The following ACOXL variants were observed in gnomAD, a reference collection of about 807,000 sequenced individuals.
ACOXL encodes the protein acyl-coenzyme A oxidase-like protein.
In ACOXL, 70 loss-of-function variants were observed where a neutral mutation model predicts 71.9. The ratio of observed to expected loss-of-function variants is 0.97; its 90% CI spans 0.80 to 1.19. The LOEUF (loss-of-function observed/expected upper bound fraction) is 1.19. Among genes scored for constraint, ACOXL ranks in the 50% most tolerant of loss-of-function variants. ACOXL has a pLI of 0.00. For missense variants in ACOXL, 703 were observed against 736.3 expected (o/e 0.95, Z 0.52); for synonymous variants, 253 against 281.6 (o/e 0.90, Z 1.02).
chr2:110,937,977 G>A (rs1181531183), intron 12 of ACOXL, among the ~76,000 whole-genome samples: 3 of 152,312 alleles, frequency 2.0e-5, no homozygotes, highest in South Asian at 2.1e-4. Context: ...GCCCAGGCTG[G>A]GGATTTGGAG....
chr2:111,093,027 T>C, intron 17 of ACOXL, 61 bp downstream of exon 17: 2 of 1,350,988 alleles, frequency 1.5e-6, no homozygotes, highest in African/African-American at 1.4e-5. Flanking sequence ...CTTGCTTTCT[T>C]AGAAAACAGT....
chr2:111,068,973 C>T (rs1339542222), intron 16 of ACOXL, among the ~76,000 whole-genome samples: 2 of 152,080 alleles, frequency 1.3e-5, no homozygotes, highest in African/African-American at 4.8e-5. Flanking sequence ...ACAAGTGGAT[C>T]ACTGGAATGA....
intron 14 of ACOXL, among the ~76,000 whole-genome samples, chr2:110,997,694 TAAGG>T (rs1385835519): frequency 6.6e-6 from 1 of 152,100 alleles, no homozygotes; most frequent in Non-Finnish European, 1.5e-5. Flanking sequence ...AACTCTAAAA[TAAGG>T]AAGTCAAGAT....
At chr2:110,949,136 C>T (rs965332957) in intron 12 of ACOXL, among the ~76,000 whole-genome samples, 11 of 152,128 alleles carry the variant, frequency 7.2e-5, no homozygotes, top group African/African-American at 2.4e-4. Flanking sequence ...AGGACAGGGT[C>T]GAGCTGAGCT....
intron 12 of ACOXL, among the ~76,000 whole-genome samples, chr2:110,943,122 A>AGGAAGAAGGAAG (rs1386247089): frequency 6.9e-6 from 1 of 145,234 alleles, no homozygotes; most frequent in Non-Finnish European, 1.5e-5. Context: ...GAGGAAGGAA[A>AGGAAGAAGGAAG]GGAAGAAGGA....
intron 12 of ACOXL, chr2:110,963,579 G>C (rs750429714): frequency 2.3e-4 from 268 of 1,178,074 alleles, no homozygotes; most frequent in South Asian, 1.8e-3. Context: ...GTGTGTGTGT[G>C]TGTGTGTGTG....
At position 110,808,143 on chromosome 2, in the gene ACOXL, C is replaced by T. The variant is rs193100431; in HGVS notation, c.753+2748C>T. ...TGTTTGGGAGGGGAGGGAGTGGGGG[C>T]TTGGGAGACCTCTGCAGCCTGTGCT... On this transcript the variant is annotated intron_variant, in intron 9 of 17. Transcript: ENST00000439055. 4.7e-3 allele frequency among the ~76,000 whole-genome samples: 717 copies of T among 152,180 alleles called. 6 individuals are homozygous for T. The highest frequency in any genetic ancestry group is 0.017 in the Middle Eastern group (5 of 294).
intron 14 of ACOXL, among the ~76,000 whole-genome samples, chr2:111,007,395 G>T (rs997821100): frequency 1.3e-5 from 2 of 152,194 alleles, no homozygotes; most frequent in African/African-American, 4.8e-5. Flanking sequence ...GGAAGCAAGA[G>T]TTGTCTCTTC....
At chr2:110,890,145 AT>A (rs1435062985) in intron 10 of ACOXL, among the ~76,000 whole-genome samples, 1 of 152,096 alleles carries the variant, frequency 6.6e-6, no homozygotes, top group East Asian at 1.9e-4. Flanking sequence ...CATGTTTAAA[AT>A]TTTGTTATTG....
intron 12 of ACOXL, among the ~76,000 whole-genome samples, chr2:110,935,707 T>A (rs2060636630): frequency 6.6e-6 from 1 of 152,188 alleles, no homozygotes; most frequent in Non-Finnish European, 1.5e-5. Flanking sequence ...TCACAATAAT[T>A]CTGACACCAG....
intron 14 of ACOXL, among the ~76,000 whole-genome samples, chr2:111,009,111 T>C (rs1440845801): frequency 6.6e-6 from 1 of 152,184 alleles, no homozygotes; most frequent in Admixed American, 6.5e-5. Context: ...CAGTAATCTA[T>C]TTTTTTATTG....
intron 9 of ACOXL, among the ~76,000 whole-genome samples, chr2:110,830,806 T>C (rs930096998): frequency 2.0e-5 from 3 of 152,184 alleles, no homozygotes; most frequent in South Asian, 4.1e-4. Context: ...GTGCTGGGAT[T>C]ACAGGCGTGA....
At chr2:111,117,354 C>T (rs184501571) in intron 17 of ACOXL, among the ~76,000 whole-genome samples, 1 of 152,326 alleles carries the variant, frequency 6.6e-6, no homozygotes, top group East Asian at 1.9e-4. Context: ...GGGGCAAAGC[C>T]GACCGACCCC....
At chr2:111,022,898 A>T (rs1477308635) in intron 14 of ACOXL, among the ~76,000 whole-genome samples, 2 of 152,194 alleles carry the variant, frequency 1.3e-5, no homozygotes, top group African/African-American at 4.8e-5. Flanking sequence ...GCCTGGGAAG[A>T]TCTGGCTTGC....
chr2:111,005,687 C>T (rs2149642612), intron 14 of ACOXL, among the ~76,000 whole-genome samples: 1 of 152,300 alleles, frequency 6.6e-6, no homozygotes, highest in East Asian at 1.9e-4. Flanking sequence ...CACCTTAGTT[C>T]TCTTCTGTGG....
intron 16 of ACOXL, among the ~76,000 whole-genome samples, chr2:111,080,387 T>C (rs1453821874): frequency 6.6e-6 from 1 of 152,220 alleles, no homozygotes; most frequent in African/African-American, 2.4e-5. Flanking sequence ...ACCACTGCTT[T>C]AGCTGTGTCC....
intron 1 of ACOXL, among the ~76,000 whole-genome samples, chr2:110,752,619 T>A (rs1679146639): frequency 6.6e-6 from 1 of 151,564 alleles, no homozygotes; most frequent in African/African-American, 2.4e-5. Context: ...GAAGTTACTT[T>A]GCGATAATTC....
At chr2:110,835,254 T>C (rs1690308326) in intron 9 of ACOXL, among the ~76,000 whole-genome samples, 1 of 152,178 alleles carries the variant, frequency 6.6e-6, no homozygotes, top group Non-Finnish European at 1.5e-5. Context: ...TTTTCTTTAA[T>C]TTCTTTAGGT....
At chr2:110,891,684 A>G (rs1574012434) in intron 10 of ACOXL, among the ~76,000 whole-genome samples, 1 of 152,120 alleles carries the variant, frequency 6.6e-6, no homozygotes, top group South Asian at 2.1e-4. Context: ...TGTTTTAGAA[A>G]TCAATTTCAG....
Sources: allele counts gnomAD v4.1 joint callset (sites outside exome capture counted in the v4.1 genomes callset), GRCh38; gene constraint gnomAD v4.1.1; transcripts MANE v1.5; gene names NCBI Gene and HGNC (gene_info 2026-07-23, HGNC 2026-07-21).